The following N4BP2L2 variants were observed in gnomAD, a reference collection of about 807,000 sequenced individuals.
The protein encoded by N4BP2L2 is NEDD4-binding protein 2-like 2.
A neutral mutation model predicts 56.2 loss-of-function variants in N4BP2L2; 50 were observed. The observed-to-expected ratio is 0.89, with a 90% CI of 0.71 to 1.13. The LOEUF (loss-of-function observed/expected upper bound fraction) is 1.13, where lower values mean the gene tolerates loss of function less well. Among genes scored for constraint, N4BP2L2 ranks in the 50% most tolerant of loss-of-function variants. The probability of loss-of-function intolerance (pLI) is 0.00; values close to 1 mark genes in which losing one functional copy is unlikely to be tolerated. For missense variants in N4BP2L2, 689 were observed against 693.8 expected (o/e 0.99, Z 0.08); for synonymous variants, 203 against 223.6 (o/e 0.91, Z 0.82).
chr13:32,482,521 T>C (rs2084971192), intron 6 of N4BP2L2, among the ~76,000 whole-genome samples: 1 of 151,860 alleles, frequency 6.6e-6, no homozygotes, highest in African/African-American at 2.4e-5. Flanking sequence ...CTAATTTTTT[T>C]TTTTTTTTGT....
At chr13:32,536,849 A>G (rs1566200390) in exon 2 of N4BP2L2, 88 of 1,614,028 alleles carry the variant, frequency 5.5e-5, no homozygotes, top group Non-Finnish European at 7.3e-5. Flanking sequence ...TCTGACATCA[A>G]TGATGGTCAC....
At chr13:32,491,541 ATATACTATATATAAAC>A (rs1209181079) in intron 6 of N4BP2L2, among the ~76,000 whole-genome samples, 10 of 147,766 alleles carry the variant, frequency 6.8e-5, no homozygotes, top group South Asian at 2.1e-4. Context: ...TAAACTATAT[ATATACTATATATAAAC>A]TATACTATAT....
At chr13:32,489,284 C>T (rs1008991298) in intron 6 of N4BP2L2, among the ~76,000 whole-genome samples, 11 of 152,160 alleles carry the variant, frequency 7.2e-5, no homozygotes, top group African/African-American at 2.7e-4. Flanking sequence ...TTGAATTTTT[C>T]CGTTTCTGTC....
chr13:32,496,538 C>A (rs1175417979), intron 6 of N4BP2L2, among the ~76,000 whole-genome samples: 1 of 152,170 alleles, frequency 6.6e-6, no homozygotes, highest in Non-Finnish European at 1.5e-5. Flanking sequence ...TTTCTCTTTT[C>A]CTCCCACTGC....
At chr13:32,444,079 T>C (rs370816424) in exon 7 of N4BP2L2, 2 of 1,575,994 alleles carry the variant, frequency 1.3e-6, no homozygotes, top group Non-Finnish European at 1.7e-6. Flanking sequence ...GTTCCTCTTC[T>C]GTTTGGTTTT....
chr13:32,466,131 G>C (rs2138816338), intron 6 of N4BP2L2, among the ~76,000 whole-genome samples: 1 of 152,194 alleles, frequency 6.6e-6, no homozygotes, highest in South Asian at 2.1e-4. Flanking sequence ...GCAAAAATCT[G>C]AAAACAACCC....
chr13:32,515,564 C>T (rs887990693), exon 6 of N4BP2L2: 22 of 151,992 alleles, frequency 1.4e-4, no homozygotes, highest in South Asian at 1.0e-3. Context: ...TTGGTAATGA[C>T]GAATGATCTC....
At chr13:32,457,544 T>C (rs1428384803) in intron 6 of N4BP2L2, among the ~76,000 whole-genome samples, 1 of 152,142 alleles carries the variant, frequency 6.6e-6, no homozygotes, top group Non-Finnish European at 1.5e-5. Flanking sequence ...AGCAGAAACC[T>C]TATATAGGTC....
intron 5 of N4BP2L2, 151 bp from the exon 6 acceptor site, chr13:32,518,154 T>G (rs1331417302): frequency 2.6e-6 from 2 of 761,058 alleles, no homozygotes; most frequent in Non-Finnish European, 3.9e-6. Flanking sequence ...GTAAAAAGAC[T>G]TATTAAAAAC....
At chr13:32,534,671 T>C (rs949902830) in intron 2 of N4BP2L2, among the ~76,000 whole-genome samples, 2 of 152,208 alleles carry the variant, frequency 1.3e-5, no homozygotes, top group Non-Finnish European at 2.9e-5. Context: ...TATCACAAAT[T>C]AAATCTTTCT....
rs115234129 is a variant in N4BP2L2 at position 32,511,096 on chromosome 13, C to T, written c.*6706G>A. ...ACTAGAGAAATCATGTTAGGTAAGT[C>T]GTTTAACCTAAATTTTTGTTTCCTC... On this transcript the variant is annotated 3_prime_UTR_variant, in exon 6 of 6. Coordinates refer to ENST00000267068, the Ensembl canonical transcript of N4BP2L2. The T allele has an allele frequency of 4.3e-3, 647 of 152,134 alleles. 5 individuals are homozygous for T. The highest frequency in any genetic ancestry group is 0.015 in the African/African-American group (625 of 41,518). 9.4% of individuals were successfully genotyped at this position (152,134 alleles called of 1,614,324 possible). A position where few individuals can be genotyped will look rare whatever the true frequency, so the allele number is the denominator to read the frequency against.
exon 7 of N4BP2L2, chr13:32,443,076 C>T: frequency 6.2e-7 from 1 of 1,606,716 alleles, no homozygotes; most frequent in South Asian, 1.1e-5. Context: ...TTTTCTTCCT[C>T]CTTTTCTTAT....
At chr13:32,496,205 A>AT (rs71071047) in intron 6 of N4BP2L2, among the ~76,000 whole-genome samples, 42,677 of 147,790 alleles carry the variant, frequency 0.29, 6,778 homozygotes, top group Non-Finnish European at 0.37. Context: ...CCTATTTTTT[A>AT]TTTTTTTTTT....
chr13:32,483,721 T>C (rs1566105480), intron 6 of N4BP2L2, among the ~76,000 whole-genome samples: 1 of 152,188 alleles, frequency 6.6e-6, no homozygotes, highest in African/African-American at 2.4e-5. Flanking sequence ...TTTGTTTTGT[T>C]TTTTTGCTAA....
intron 5 of N4BP2L2, among the ~76,000 whole-genome samples, chr13:32,520,180 G>T (rs1302143590): frequency 6.6e-6 from 1 of 151,990 alleles, no homozygotes; most frequent in Non-Finnish European, 1.5e-5. Flanking sequence ...GAGGTAGAAG[G>T]GGAAAAACTG....
At chr13:32,536,570 C>T in exon 2 of N4BP2L2, 2 of 1,613,764 alleles carry the variant, frequency 1.2e-6, no homozygotes, top group Non-Finnish European at 8.5e-7. Flanking sequence ...TTTTTGTCCT[C>T]CTCTGTCATT....
intron 8 of N4BP2L2, among the ~76,000 whole-genome samples, chr13:32,438,085 G>A (rs2075732864): frequency 6.6e-6 from 1 of 152,116 alleles, no homozygotes; most frequent in Non-Finnish European, 1.5e-5. Flanking sequence ...ATGGTAATCA[G>A]CATACATATG....
At chr13:32,446,420 T>C (rs1366219531) in intron 6 of N4BP2L2, 1 of 1,361,692 alleles carries the variant, frequency 7.3e-7, no homozygotes, top group Non-Finnish European at 9.8e-7. Flanking sequence ...AAATTCATCC[T>C]GCAGACTAGT....
intron 6 of N4BP2L2, among the ~76,000 whole-genome samples, chr13:32,481,118 CAAAAAAAAAA>C (rs60854435): frequency 8.7e-4 from 18 of 20,714 alleles, no homozygotes; most frequent in South Asian, 4.4e-3. Flanking sequence ...GACTCTGTCT[CAAAAAAAAAA>C]AAAAAAAAAA....
Sources: allele counts gnomAD v4.1 joint callset (sites outside exome capture counted in the v4.1 genomes callset), GRCh38; gene constraint gnomAD v4.1.1; transcripts MANE v1.5; gene names NCBI Gene and HGNC (gene_info 2026-07-23, HGNC 2026-07-21).